The following FAM178B variants were observed in gnomAD, a reference collection of about 807,000 sequenced individuals.
FAM178B encodes protein FAM178B.
Under a neutral mutation model 91.7 loss-of-function variants are expected in FAM178B, and 82 were observed. The observed-to-expected ratio is 0.89, with a 90% confidence interval of 0.75 to 1.07. The LOEUF (loss-of-function observed/expected upper bound fraction) is 1.07, where lower values mean the gene tolerates loss of function less well. FAM178B is among the 50% of genes least tolerant of loss of function. FAM178B has a pLI of 0.00. For synonymous variants in FAM178B, 368 were observed against 359.4 expected (o/e 1.02, Z -0.27); for missense variants, 769 against 846.7 (o/e 0.91, Z 1.14).
chr2:96,977,912 T>G, intron 1 of FAM178B: 1 of 406,790 alleles, frequency 2.5e-6, no homozygotes, highest in Admixed American at 2.9e-5. Flanking sequence ...CAAGGGTTTC[T>G]GCAAGTTCAG....
chr2:96,894,157 G>T (rs1376863533), intron 13 of FAM178B, 106 bp from the exon 14 acceptor site: 4 of 1,355,428 alleles, frequency 3.0e-6, no homozygotes, highest in Non-Finnish European at 4.0e-6. Context: ...GTGTGTTAGG[G>T]CACTGGCTTC....
At chr2:96,981,865 G>A (rs1411029472) in intron 1 of FAM178B, among the ~76,000 whole-genome samples, 1 of 151,792 alleles carries the variant, frequency 6.6e-6, no homozygotes, top group Non-Finnish European at 1.5e-5. Context: ...CCAAGAGTTT[G>A]AGACCAGCCC....
At chr2:96,912,513 A>G (rs573553228) in intron 12 of FAM178B, among the ~76,000 whole-genome samples, 1 of 151,832 alleles carries the variant, frequency 6.6e-6, no homozygotes, top group African/African-American at 2.4e-5. Flanking sequence ...AAGCCCAGGG[A>G]AGGAAGTGCT....
chr2:96,915,205 G>A (rs1482456793), intron 12 of FAM178B, among the ~76,000 whole-genome samples: 1 of 151,942 alleles, frequency 6.6e-6, no homozygotes, highest in Non-Finnish European at 1.5e-5. Context: ...TGCCTCCCGG[G>A]TTCAAATGAT....
intron 13 of FAM178B, chr2:96,897,844 C>T (rs1402573471): frequency 8.2e-6 from 4 of 489,306 alleles, no homozygotes; most frequent in Non-Finnish European, 1.1e-5. Flanking sequence ...GCAGGGGCTC[C>T]CCACTTCTGC....
intron 9 of FAM178B, 82 bp from the exon 10 acceptor site, chr2:96,923,665 C>A: frequency 9.9e-7 from 1 of 1,007,054 alleles, no homozygotes; most frequent in Non-Finnish European, 1.5e-6. Context: ...TGGGACACTG[C>A]TGCCCTGAGG....
rs558990634 is a variant in FAM178B at position 96,925,726 on chromosome 2, C to T, written c.1194-2143G>A. Among the ~76,000 whole-genome samples, 3 of 152,298 alleles carry T rather than the reference C, an allele frequency of 2.0e-5. No individual in the cohort carries two copies. In the South Asian group the frequency reaches 6.2e-4, roughly 32 times the overall value. The stretch of plus-strand genomic sequence containing the variant: ...GAACTGGGTTTCTGTCTCGGAGACA[C>T]CGTTCAATACTCATTAACCTTACAA... On this transcript the variant is annotated intron_variant, in intron 9 of 16. Transcript: ENST00000490605.
At position 96,921,575 on chromosome 2, in the gene FAM178B, C is replaced by T. The variant is rs746802404; in HGVS notation, c.1367G>A (p.Arg456His). 79 of 1,551,536 alleles carry T rather than the reference C, an allele frequency of 5.1e-5. No individual in the cohort carries two copies. The highest frequency in any genetic ancestry group is 2.2e-4 in the African/African-American group (16 of 73,026). The stretch of plus-strand genomic sequence containing the variant: ...GCGGAGCCCCACGTCCAGGCTGGTG[C>T]GGCACAGCAGCTCAATCAGTCCCAT... The part of the protein sequence containing the change: ...NLMGLIELLC[R>H]TSLDVGLRLL... The change falls in exon 11 of 17, where the codon CGC becomes CAC. Residue 456 changes from arginine to histidine, a missense_variant. Arg to His is a conservative substitution (Grantham distance 29, BLOSUM62 0). Coordinates refer to ENST00000490605, the MANE Select transcript of FAM178B (RefSeq NM_001122646.3).
At chr2:96,879,546 A>G (rs576386913) in intron 14 of FAM178B, among the ~76,000 whole-genome samples, 3 of 152,334 alleles carry the variant, frequency 2.0e-5, no homozygotes, top group South Asian at 2.1e-4. Context: ...GGTACCATCA[A>G]CTGACTTCTT....
Position 96,924,638 on chromosome 2 carries a change from C to T in FAM178B, c.1194-1055G>A, listed in dbSNP as rs571113666. ...CGCGCTCACAGGACGAGAGCCTGGG[C>T]GGGATCACCTTCATCGTATGGCCGA... On this transcript the variant is annotated intron_variant, in intron 9 of 16. Coordinates refer to ENST00000490605, the MANE Select transcript of FAM178B (RefSeq NM_001122646.3). Among the ~76,000 whole-genome samples, 47 of 152,278 alleles carry T rather than the reference C, an allele frequency of 3.1e-4. 1 individual carries two copies. The highest frequency in any genetic ancestry group is 1.0e-3 in the African/African-American group (43 of 41,574).
At chr2:96,914,560 T>G (rs925723751) in intron 12 of FAM178B, among the ~76,000 whole-genome samples, 13 of 152,330 alleles carry the variant, frequency 8.5e-5, no homozygotes, top group Non-Finnish European at 1.2e-4. Flanking sequence ...TTCAGTGTTT[T>G]AGGTGTCATC....
At chr2:96,891,812 A>G (rs1178815657) in intron 14 of FAM178B, among the ~76,000 whole-genome samples, 1 of 152,204 alleles carries the variant, frequency 6.6e-6, no homozygotes, top group African/African-American at 2.4e-5. Context: ...GAAATCTCCC[A>G]GACAGGAGTG....
chr2:96,958,629 G>A (rs2082035073), intron 6 of FAM178B, among the ~76,000 whole-genome samples: 2 of 147,104 alleles, frequency 1.4e-5, no homozygotes, highest in Non-Finnish European at 3.0e-5. Context: ...GGCGGAGGTT[G>A]CAGTGAGCCG....
intron 8 of FAM178B, among the ~76,000 whole-genome samples, chr2:96,939,967 C>T (rs1054645171): frequency 2.6e-5 from 4 of 152,148 alleles, no homozygotes; most frequent in East Asian, 1.9e-4. Context: ...TCAATTATGA[C>T]GCTGAATTAC....
chr2:96,888,690 A>C (rs1397655994), intron 14 of FAM178B, among the ~76,000 whole-genome samples: 1 of 152,162 alleles, frequency 6.6e-6, no homozygotes, highest in Non-Finnish European at 1.5e-5. Context: ...TTGTTTGCCA[A>C]CTCTATCAAC....
At chr2:96,982,222 A>C (rs540414516) in intron 1 of FAM178B, among the ~76,000 whole-genome samples, 1 of 152,222 alleles carries the variant, frequency 6.6e-6, no homozygotes. Flanking sequence ...CTTACAGTAC[A>C]TAAATATATA....
At chr2:96,965,045 G>T (rs1329773503) in intron 5 of FAM178B, among the ~76,000 whole-genome samples, 1 of 152,162 alleles carries the variant, frequency 6.6e-6, no homozygotes, top group Non-Finnish European at 1.5e-5. Flanking sequence ...TGTCGCCCAG[G>T]CTGGAGTGAG....
At chr2:96,954,938 C>T (rs376145800) in intron 6 of FAM178B, among the ~76,000 whole-genome samples, 9 of 152,330 alleles carry the variant, frequency 5.9e-5, no homozygotes, top group African/African-American at 2.2e-4. Context: ...GTGGTCCCAA[C>T]TACTTGGGAG....
At chr2:96,950,676 C>G (rs554682640) in intron 7 of FAM178B, among the ~76,000 whole-genome samples, 2 of 152,324 alleles carry the variant, frequency 1.3e-5, no homozygotes, top group African/African-American at 4.8e-5. Context: ...TGGCTCCTGT[C>G]CCTGCTGGCT....
Sources: gnomAD v4.1 joint callset for allele counts (sites outside exome capture counted in the v4.1 genomes callset) on GRCh38, gnomAD v4.1.1 for gene constraint, MANE v1.5 for transcripts, NCBI Gene and HGNC (gene_info 2026-07-23, HGNC 2026-07-21) for gene names.